CRYBA4: variants seen among roughly 807,000 people sequenced by gnomAD.
CRYBA4 encodes crystallin beta A4, also known as beta-crystallin A4.
Under a neutral mutation model 31.7 loss-of-function variants are expected in CRYBA4, and 30 were observed. The ratio of observed to expected loss-of-function variants is 0.95; its 90% confidence interval spans 0.71 to 1.28. The LOEUF is 1.28. CRYBA4 is among the 50% of genes most tolerant of loss of function. CRYBA4 has a pLI of 0.00. For synonymous variants in CRYBA4, 102 were observed against 102.3 expected (o/e 1.00, Z 0.02); for missense variants, 225 against 260.7 (o/e 0.86, Z 0.94).
chr22:26,607,201 T>G, the CRYBA4 span, among the ~76,000 whole-genome samples: 2 of 151,952 alleles, frequency 1.3e-5, no homozygotes, highest in Non-Finnish European at 2.9e-5. Context: ...TTTTGTATTT[T>G]TAGTAAAGAC....
chr22:26,601,810 A>T, the CRYBA4 span: 1 of 1,607,564 alleles, frequency 6.2e-7, no homozygotes, highest in Non-Finnish European at 8.5e-7. Flanking sequence ...ATAACCTGTA[A>T]GGGGAGCAGC....
chr22:26,597,809 T>C, the CRYBA4 span, among the ~76,000 whole-genome samples: 4 of 152,346 alleles, frequency 2.6e-5, no homozygotes, highest in African/African-American at 9.6e-5. Context: ...TCAACCTTTA[T>C]TGATTAAATC....
rs779135698 is a variant in CRYBA4, at chr22:26,623,240, G to T, written c.46G>T (p.Val16Leu). The T allele has an allele frequency of 1.9e-6, 3 of 1,613,088 alleles. No homozygotes were observed. In the Admixed American group the frequency reaches 5.0e-5, roughly 27 times the overall value. Reference sequence around the variant, plus strand: ...TTTTTTTTTCCTGGCACAGATGGTGGTGTGGGATGAGGACGGCTTCCAGGG... The same window carrying T: ...TTTTTTTTTCCTGGCACAGATGGTGTTGTGGGATGAGGACGGCTTCCAGGG... ...TKSAGPWKMVVWDEDGFQGRR... is the reference protein window; with the variant it reads ...TKSAGPWKMVLWDEDGFQGRR... The change falls in exon 3 of 6, where the codon GTG (valine) becomes TTG (leucine). Residue 16 changes from valine (V) to leucine (L), a missense_variant. Transcript: ENST00000354760.
the CRYBA4 span, among the ~76,000 whole-genome samples, chr22:26,596,375 G>C: frequency 6.6e-6 from 1 of 152,176 alleles, no homozygotes; most frequent in Admixed American, 6.5e-5. Flanking sequence ...GGGATTACAG[G>C]CATGAACCAC....
the CRYBA4 span, chr22:26,590,235 C>G: frequency 6.6e-6 from 1 of 150,760 alleles, no homozygotes; most frequent in African/African-American, 2.4e-5. Flanking sequence ...GCCTCGGGAC[C>G]GCGAGGTGAG....
rs150276624 is a variant in CRYBA4 at position 26,624,256 on chromosome 22, T to C, written c.158+904T>C. Among the ~76,000 whole-genome samples the C allele has an allele frequency of 2.0e-5, 3 of 151,990 alleles. No individual in the cohort carries two copies. The East Asian group carries it at 5.8e-4, about 29-fold the overall frequency. On this transcript the variant is annotated intron_variant, in intron 3 of 5. Transcript: ENST00000354760. ...AAGGAGGTGTGGCCAGTAGCTACCATACTGGATAAAAGTTCTAGAAGTTTG... is the reference window on the plus strand; with the variant it reads ...AAGGAGGTGTGGCCAGTAGCTACCACACTGGATAAAAGTTCTAGAAGTTTG...
Position 26,630,509 on chromosome 22 carries a change from G to A in CRYBA4, c.*22G>A, listed in dbSNP as rs578245175. ...GTGAACAGGGGTGCGGCACGGAGGA[G>A]CGCATGCGTGCTTATCTGCAATGGA... On this transcript the variant is annotated 3_prime_UTR_variant, in exon 6 of 6. Coordinates refer to ENST00000354760, the MANE Select transcript of CRYBA4 (RefSeq NM_001886.3). 3.0e-5 allele frequency: 48 copies of A among 1,605,892 alleles called. No individual in the cohort carries two copies. The South Asian group carries it at 4.9e-4, about 16-fold the overall frequency.
the CRYBA4 span, among the ~76,000 whole-genome samples, chr22:26,604,664 G>A: frequency 3.3e-5 from 5 of 152,202 alleles, no homozygotes; most frequent in Middle Eastern, 3.2e-3. Context: ...GCTGGGAGGT[G>A]GGAATGTGCA....
chr22:26,605,036 T>C, the CRYBA4 span, among the ~76,000 whole-genome samples: 1 of 152,160 alleles, frequency 6.6e-6, no homozygotes, highest in South Asian at 2.1e-4. Flanking sequence ...CACCAGTCCA[T>C]CGTTGCTCTA....
the CRYBA4 span, among the ~76,000 whole-genome samples, chr22:26,601,487 A>C: frequency 1.3e-5 from 2 of 151,820 alleles, no homozygotes; most frequent in Admixed American, 6.6e-5. Context: ...TTCACTGCTC[A>C]GAACTCATTC....
chr22:26,612,717 G>T, the CRYBA4 span, among the ~76,000 whole-genome samples: 20 of 152,162 alleles, frequency 1.3e-4, no homozygotes, highest in African/African-American at 3.9e-4. Context: ...TCCCTTTCAG[G>T]CCTTTCTTTG....
chr22:26,625,880 G>A (rs1053863327), intron 4 of CRYBA4, among the ~76,000 whole-genome samples: 1 of 152,000 alleles, frequency 6.6e-6, no homozygotes, highest in East Asian at 1.9e-4. Flanking sequence ...CCCTGGTTGT[G>A]ATAGGAGCCC....
chr22:26,621,677 T>C (rs1929536208), upstream of CRYBA4, among the ~76,000 whole-genome samples: 1 of 152,246 alleles, frequency 6.6e-6, no homozygotes, highest in South Asian at 2.1e-4. Flanking sequence ...AGGATGCTTC[T>C]GGACTCCTCA....
At chr22:26,599,035 G>C in the CRYBA4 span, among the ~76,000 whole-genome samples, 4 of 152,176 alleles carry the variant, frequency 2.6e-5, no homozygotes, top group Non-Finnish European at 5.9e-5. Flanking sequence ...TTCATAATGA[G>C]TAAGGCCAAG....
the CRYBA4 span, among the ~76,000 whole-genome samples, chr22:26,613,418 C>T: frequency 6.6e-6 from 1 of 152,302 alleles, no homozygotes; most frequent in Non-Finnish European, 1.5e-5. Context: ...GGACCCCAAA[C>T]GGAGGAACTG....
At chr22:26,602,262 A>G in the CRYBA4 span, among the ~76,000 whole-genome samples, 2 of 152,072 alleles carry the variant, frequency 1.3e-5, no homozygotes, top group South Asian at 4.1e-4. Context: ...ACTGAGCACG[A>G]TGCCTGGCAT....
the CRYBA4 span, among the ~76,000 whole-genome samples, chr22:26,608,902 G>A: frequency 6.6e-6 from 1 of 152,170 alleles, no homozygotes; most frequent in African/African-American, 2.4e-5. Flanking sequence ...TCCTTACATG[G>A]ACTAATTAGA....
upstream of CRYBA4, among the ~76,000 whole-genome samples, chr22:26,620,854 C>A (rs770774042): frequency 8.5e-5 from 13 of 152,140 alleles, no homozygotes; most frequent in Non-Finnish European, 1.6e-4. Context: ...TGAGCCATTG[C>A]GCCCAGCCTA....
rs1002812857 is a variant in CRYBA4 at position 26,621,986 on chromosome 22, G to C, written c.-13G>C. ...CTGACATGTTCCCTGGGCCTATCTC[G>C]GTAAGTCCCAGGTTTGGAGGAGGGG... On this transcript the variant is annotated splice_region_variant and 5_prime_UTR_variant, in exon 1 of 6. Coordinates refer to ENST00000354760, the MANE Select transcript of CRYBA4 (RefSeq NM_001886.3). The C allele has an allele frequency of 3.7e-5, 36 of 986,158 alleles. No individual in the cohort carries two copies. Among genetic ancestry groups the C allele is most frequent in the Non-Finnish European group, 1.1e-5 (9 of 830,336 alleles). 61.1% of individuals were successfully genotyped at this position (986,158 alleles called of 1,614,324 possible).
Sources: gnomAD v4.1 joint callset for allele counts (sites outside exome capture counted in the v4.1 genomes callset) on GRCh38, gnomAD v4.1.1 for gene constraint, MANE v1.5 for transcripts, NCBI Gene and HGNC (gene_info 2026-07-23, HGNC 2026-07-21) for gene names.